The following RUFY3 variants were observed in gnomAD, a reference collection of about 807,000 sequenced individuals.
The protein encoded by RUFY3 is RUN and FYVE domain containing 3, also known as protein RUFY3.
A neutral mutation model predicts 84.0 loss-of-function variants in RUFY3; 34 were observed. The observed-to-expected ratio is 0.40, with a 90% confidence interval of 0.31 to 0.54. The LOEUF (loss-of-function observed/expected upper bound fraction) is 0.54, where lower values mean the gene tolerates loss of function less well. Ranked by LOEUF, RUFY3 falls within the 20% of genes least tolerant of loss-of-function variation. The pLI, the probability that RUFY3 is intolerant of heterozygous loss-of-function variation, is 0.39. For missense variants in RUFY3, 507 were observed against 736.8 expected, an observed-to-expected ratio of 0.69 and a Z score of 3.61; for synonymous variants, 242 against 252.9, an observed-to-expected ratio of 0.96 and a Z score of 0.41.
At chr4:70,715,448 G>A (rs1741452006) in intron 1 of RUFY3, among the ~76,000 whole-genome samples, 2 of 151,194 alleles carry the variant, frequency 1.3e-5, no homozygotes, top group Admixed American at 6.6e-5. Flanking sequence ...GCCAGGTCCG[G>A]TGGTGTGTGC....
chr4:70,791,914 A>G, intron 12 of RUFY3: 1 of 985,676 alleles, frequency 1.0e-6, no homozygotes, highest in Non-Finnish European at 1.2e-6. Flanking sequence ...ACTTTTGAAA[A>G]AAAAAGAAAA....
chr4:70,777,282 C>T (rs1162010423), intron 7 of RUFY3, among the ~76,000 whole-genome samples: 1 of 152,058 alleles, frequency 6.6e-6, no homozygotes, highest in East Asian at 1.9e-4. Flanking sequence ...CAGAATTTTC[C>T]AGAACATAAA....
chr4:70,787,242 T>C (rs1730041840), intron 10 of RUFY3, among the ~76,000 whole-genome samples: 1 of 143,364 alleles, frequency 7.0e-6, no homozygotes, highest in Admixed American at 7.0e-5. Flanking sequence ...TATAACATAA[T>C]TTTAGATTTA....
chr4:70,788,214 G>C (rs1003306774), intron 10 of RUFY3, among the ~76,000 whole-genome samples: 1 of 151,858 alleles, frequency 6.6e-6, no homozygotes, highest in African/African-American at 2.4e-5. Flanking sequence ...GAACCCGGGA[G>C]GTGGAGGTTG....
intron 10 of RUFY3, 84 bp from the exon 11 acceptor site, chr4:70,788,722 G>C (rs1730317660): frequency 6.8e-7 from 1 of 1,476,186 alleles, no homozygotes; most frequent in Non-Finnish European, 9.2e-7. Context: ...TGAGAGTTTT[G>C]GTGTACTTTT....
intron 9 of RUFY3, among the ~76,000 whole-genome samples, chr4:70,784,457 T>C (rs964830884): frequency 2.0e-5 from 3 of 151,610 alleles, no homozygotes; most frequent in Non-Finnish European, 2.9e-5. Context: ...CAGTCCAGCC[T>C]GGGCGACAGA....
At chr4:70,721,768 A>G (rs1742332169), upstream of RUFY3, 1 of 733,298 alleles carries the variant, frequency 1.4e-6, no homozygotes, top group Non-Finnish European at 1.7e-6. Context: ...TCCCAAAGTA[A>G]GAAGAATTGA....
In RUFY3 at chr4:70,763,325, G is replaced by A. The variant is rs373034643; in HGVS notation, c.353-227G>A. Among the ~76,000 whole-genome samples, 712 of 152,002 alleles carry A rather than the reference G, an allele frequency of 4.7e-3. 6 individuals are homozygous for A. The highest frequency in any genetic ancestry group is 0.031 in the Middle Eastern group (9 of 294). On this transcript the variant is annotated intron_variant, in intron 2 of 17. Transcript: ENST00000381006. ...TTAAAATGTTTTATTATATTATAGGGCTAGGCCACAAACTGTTTGTGAAAG... is the reference window on the plus strand; with the variant it reads ...TTAAAATGTTTTATTATATTATAGGACTAGGCCACAAACTGTTTGTGAAAG...
chr4:70,705,618 C>T (rs1740217205), intron 1 of RUFY3, among the ~76,000 whole-genome samples: 1 of 152,200 alleles, frequency 6.6e-6, no homozygotes, highest in African/African-American at 2.4e-5. Flanking sequence ...GGGCGAGAAG[C>T]GGCCTGCCTG....
intron 1 of RUFY3, among the ~76,000 whole-genome samples, chr4:70,738,356 C>CTTTTTT (rs60916183): frequency 1.2e-4 from 7 of 60,538 alleles, no homozygotes; most frequent in Non-Finnish European, 2.0e-4. Flanking sequence ...GGTGTTTCAT[C>CTTTTTT]TTTTTTTTTT....
chr4:70,705,355 C>G lies in RUFY3; in HGVS notation c.358+61C>G, dbSNP rs1740167474. On this transcript the variant is annotated intron_variant, in intron 1 of 11. Coordinates refer to the RUFY3 transcript ENST00000417478. ...AAGGGAGCATTCGGCTGGGGAGGGC[C>G]GGCCCGGCCCCCGCGGAGCTCCGCC... The G allele has an allele frequency of 5.8e-6, 7 of 1,201,800 alleles. No individual in the cohort carries two copies. In the South Asian group the frequency reaches 1.7e-4, roughly 28 times the overall value. 74.4% of individuals were successfully genotyped at this position (1,201,800 alleles called of 1,614,324 possible). A position where few individuals can be genotyped will look rare whatever the true frequency, so the allele number is the denominator to read the frequency against.
In RUFY3 at chr4:70,800,376, TAAACC is replaced by T. The variant is rs565960665; in HGVS notation, c.1622+177_1622+181del. Among the ~76,000 whole-genome samples, 327 of 152,294 alleles carry T rather than the reference TAAACC, an allele frequency of 2.1e-3. 1 individual carries two copies. The highest frequency in any genetic ancestry group is 7.6e-3 in the African/African-American group (314 of 41,568). ...TAATAATAAAACGTATAACATGTAT[TAAACC>T]AAACCCATTAGGCCATTTCAGAGGA... On this transcript the variant is annotated intron_variant, in intron 15 of 17. Transcript: ENST00000381006.
intron 1 of RUFY3, among the ~76,000 whole-genome samples, chr4:70,738,343 A>G (rs1578021863): frequency 7.7e-6 from 1 of 129,102 alleles, no homozygotes; most frequent in Non-Finnish European, 1.6e-5. Flanking sequence ...GGCATTGTCT[A>G]TGGGTGTTTC....
intron 12 of RUFY3, chr4:70,791,293 A>G (rs1364508442): frequency 6.2e-7 from 1 of 1,613,394 alleles, no homozygotes; most frequent in East Asian, 2.2e-5. Context: ...CCAAAACATC[A>G]TTAGGCATTT....
rs1464076971 is a variant in RUFY3 at position 70,705,266 on chromosome 4, C to T, written c.330C>T (p.Gly110=). 21 of 1,439,708 alleles carry T rather than the reference C, an allele frequency of 1.5e-5. No homozygotes were observed. In the East Asian group the frequency reaches 6.4e-4, roughly 44 times the overall value. 89.2% of individuals were successfully genotyped at this position (1,439,708 alleles called of 1,614,324 possible). A position where few individuals can be genotyped will look rare whatever the true frequency, so the allele number is the denominator to read the frequency against. ...TGCTGCTGAGCTACCCGAGCGGCGG[C>T]GGCGGCAGCAGCGGCAGCGGCAAGC... is the stretch of plus-strand genomic sequence containing the variant. Residue 110 remains glycine, a synonymous_variant, in exon 1 of 12, where the codon GGC becomes GGT. Transcript: ENST00000417478.
At chr4:70,775,132 AT>A in intron 6 of RUFY3, 35 bp from the exon 7 acceptor site, 1 of 1,498,946 alleles carries the variant, frequency 6.7e-7, no homozygotes, top group Non-Finnish European at 9.2e-7. Context: ...TTCTTATGTT[AT>A]TTATTTTATT....
chr4:70,792,743 G>A (rs2148804452), intron 12 of RUFY3: 1 of 985,292 alleles, frequency 1.0e-6, no homozygotes. Flanking sequence ...TTCCATGTGT[G>A]CTTATATAGG....
chr4:70,802,614 AAT>A (rs1732364010), intron 15 of RUFY3, among the ~76,000 whole-genome samples: 1 of 152,260 alleles, frequency 6.6e-6, no homozygotes, highest in Non-Finnish European at 1.5e-5. Context: ...AAGCTACTAA[AAT>A]ATATGGCCAG....
At chr4:70,802,388 A>G (rs1732342881) in intron 15 of RUFY3, among the ~76,000 whole-genome samples, 1 of 152,180 alleles carries the variant, frequency 6.6e-6, no homozygotes, top group Non-Finnish European at 1.5e-5. Flanking sequence ...TTCACCTCTC[A>G]TTTAGGCTCT....
Sources: allele counts gnomAD v4.1 joint callset (sites outside exome capture counted in the v4.1 genomes callset), GRCh38; gene constraint gnomAD v4.1.1; transcripts MANE v1.5; gene names NCBI Gene and HGNC (gene_info 2026-07-23, HGNC 2026-07-21).